PLCG2: variants seen among roughly 807,000 people sequenced by gnomAD.
The protein encoded by PLCG2 is 1-phosphatidylinositol 4,5-bisphosphate phosphodiesterase gamma-2.
A neutral mutation model predicts 175.6 loss-of-function variants in PLCG2; 69 were observed. The ratio of observed to expected loss-of-function variants is 0.39; its 90% CI spans 0.32 to 0.48. PLCG2 has a LOEUF of 0.48. Among genes scored for constraint, PLCG2 ranks in the 20% least tolerant of loss-of-function variants. The pLI is 0.91. For missense variants in PLCG2, 1,798 were observed against 1,650.9 expected (o/e 1.09, Z -1.54); for synonymous variants, 827 against 624.0 (o/e 1.33, Z -4.85).
chr16:81,769,790 AGC>A (rs1266580358), intron 2 of PLCG2, among the ~76,000 whole-genome samples: 1 of 129,998 alleles, frequency 7.7e-6, no homozygotes, highest in Non-Finnish European at 1.6e-5. Context: ...ACTGCACTCC[AGC>A]CTGGGCGACA....
chr16:81,943,891 C>T (rs1230353053), intron 30 of PLCG2, among the ~76,000 whole-genome samples: 1 of 151,998 alleles, frequency 6.6e-6, no homozygotes, highest in Non-Finnish European at 1.5e-5. Context: ...GTTTTATACC[C>T]CCTCAAACTG....
intron 21 of PLCG2, 171 bp from the exon 22 acceptor site, chr16:81,923,314 G>A: frequency 1.8e-6 from 1 of 556,416 alleles, no homozygotes; most frequent in Middle Eastern, 3.8e-4. Flanking sequence ...GTGGCTTTTT[G>A]GGGCCTTCGA....
intron 1 of PLCG2, among the ~76,000 whole-genome samples, chr16:81,755,617 C>T (rs1268188555): frequency 1.3e-5 from 2 of 152,066 alleles, no homozygotes; most frequent in Non-Finnish European, 2.9e-5. Flanking sequence ...CCTCTGCCTC[C>T]TGGGTTCAAG....
chr16:81,920,127 G>C (rs769427916), intron 20 of PLCG2, among the ~76,000 whole-genome samples: 3 of 152,210 alleles, frequency 2.0e-5, no homozygotes, highest in South Asian at 4.1e-4. Context: ...CAGCCCAGGT[G>C]GGGGTAGAGC....
chr16:81,874,948 GTT>G (rs770994063), intron 7 of PLCG2, among the ~76,000 whole-genome samples: 129 of 40,740 alleles, frequency 3.2e-3, no homozygotes, highest in African/African-American at 8.0e-3. Flanking sequence ...TATCCTATGT[GTT>G]TTTTTTTTTT....
rs567852673 is a variant in PLCG2 at position 81,853,176 on chromosome 16, C to T, written c.194-1268C>T. ...TGAAACCCCATCTCTACTAAAAATA[C>T]AAAAACTAGCCGGGCATGGTGGCAC... On this transcript the variant is annotated intron_variant, in intron 2 of 32. Coordinates refer to ENST00000564138, the MANE Select transcript of PLCG2 (RefSeq NM_002661.5). 1.1e-4 allele frequency among the ~76,000 whole-genome samples: 16 copies of T among 152,160 alleles called. No individual in the cohort carries two copies. The East Asian group carries it at 2.9e-3, about 28-fold the overall frequency.
intron 23 of PLCG2, among the ~76,000 whole-genome samples, chr16:81,928,333 T>C (rs920081202): frequency 6.6e-6 from 1 of 152,068 alleles, no homozygotes; most frequent in Non-Finnish European, 1.5e-5. Context: ...TTTTTACGGA[T>C]TGGAAAATGA....
intron 13 of PLCG2, chr16:81,897,831 C>T (rs1361156991): frequency 8.8e-6 from 4 of 455,806 alleles, no homozygotes; most frequent in African/African-American, 2.0e-5. Flanking sequence ...GGGCATGAGC[C>T]ACCGTGCCCA....
chr16:81,855,630 C>CACA (rs1318781656), intron 3 of PLCG2, among the ~76,000 whole-genome samples: 2 of 152,282 alleles, frequency 1.3e-5, no homozygotes, highest in East Asian at 1.9e-4. Flanking sequence ...TCTCAGTCGA[C>CACA]TTGGGGAGAC....
chr16:81,790,764 T>C (rs897601963), intron 2 of PLCG2, among the ~76,000 whole-genome samples: 10 of 152,058 alleles, frequency 6.6e-5, no homozygotes, highest in Admixed American at 6.6e-4. Context: ...AGGGTGATTT[T>C]TGCCTCTCCC....
At chr16:81,848,022 A>G (rs1906213613) in intron 2 of PLCG2, among the ~76,000 whole-genome samples, 1 of 152,362 alleles carries the variant, frequency 6.6e-6, no homozygotes, top group Admixed American at 6.5e-5. Flanking sequence ...TTATATGGAA[A>G]GGTGGAAGAC....
At chr16:81,840,593 C>T (rs1905769476) in intron 2 of PLCG2, among the ~76,000 whole-genome samples, 1 of 152,162 alleles carries the variant, frequency 6.6e-6, no homozygotes, top group East Asian at 1.9e-4. Flanking sequence ...AAAGAGTGTA[C>T]AACCTGGGTC....
At chr16:81,885,901 A>G (rs1364391922) in intron 9 of PLCG2, among the ~76,000 whole-genome samples, 1 of 152,222 alleles carries the variant, frequency 6.6e-6, no homozygotes, top group Middle Eastern at 3.2e-3. Flanking sequence ...ATGATGATCA[A>G]AAGAAGGCTT....
intron 26 of PLCG2, chr16:81,935,867 CTG>C (rs1402003379): frequency 1.0e-6 from 1 of 985,246 alleles, no homozygotes; most frequent in Non-Finnish European, 1.2e-6. Context: ...TCTTCTATAA[CTG>C]TACCACTTTT....
At chr16:81,894,385 T>G (rs1908783312) in intron 12 of PLCG2, among the ~76,000 whole-genome samples, 1 of 152,298 alleles carries the variant, frequency 6.6e-6, no homozygotes, top group South Asian at 2.1e-4. Context: ...GCTGTGATTG[T>G]GCCACTGCAC....
intron 2 of PLCG2, among the ~76,000 whole-genome samples, chr16:81,804,799 A>C (rs940154906): frequency 6.6e-6 from 1 of 152,166 alleles, no homozygotes; most frequent in Non-Finnish European, 1.5e-5. Flanking sequence ...CCTAAGAGGA[A>C]CCTGGAGAAA....
chr16:81,823,310 CT>C (rs1277754028), intron 2 of PLCG2, among the ~76,000 whole-genome samples: 1 of 152,186 alleles, frequency 6.6e-6, no homozygotes, highest in Non-Finnish European at 1.5e-5. Context: ...AGCAGAGAGG[CT>C]TCCTCTCTCG....
At chr16:81,850,037 A>C (rs1053351693) in intron 2 of PLCG2, among the ~76,000 whole-genome samples, 1 of 152,222 alleles carries the variant, frequency 6.6e-6, no homozygotes, top group African/African-American at 2.4e-5. Flanking sequence ...TAGTGTCTTT[A>C]AAAAGTCAAA....
intron 30 of PLCG2, among the ~76,000 whole-genome samples, chr16:81,942,921 T>TA (rs1567543884): frequency 1.0e-4 from 15 of 149,506 alleles, no homozygotes; most frequent in Non-Finnish European, 1.8e-4. Flanking sequence ...AACAATTATT[T>TA]TTTTTTTTTT....
Sources: allele counts gnomAD v4.1 joint callset (sites outside exome capture counted in the v4.1 genomes callset), GRCh38; gene constraint gnomAD v4.1.1; transcripts MANE v1.5; gene names NCBI Gene and HGNC (gene_info 2026-07-23, HGNC 2026-07-21).